Variants in PTPRD observed in about 807,000 individuals in gnomAD.
PTPRD encodes receptor-type tyrosine-protein phosphatase delta.
A neutral mutation model predicts 214.5 loss-of-function variants in PTPRD; 34 were observed. That is an observed-to-expected ratio of 0.16 (90% CI 0.12 to 0.21). The LOEUF (loss-of-function observed/expected upper bound fraction) is 0.21, where lower values mean the gene tolerates loss of function less well. Among genes scored for constraint, PTPRD ranks in the 10% least tolerant of loss-of-function variants. The probability of loss-of-function intolerance (pLI) is 1.00; values close to 1 mark genes in which losing one functional copy is unlikely to be tolerated. For missense variants in PTPRD, 2,545 were observed against 2,398.7 expected, an observed-to-expected ratio of 1.06 and a Z score of -1.27; for synonymous variants, 1,128 against 845.7, an observed-to-expected ratio of 1.33 and a Z score of -5.79.
chr9:8,330,178 G>A (rs1422432977), intron 44 of PTPRD, among the ~76,000 whole-genome samples: 2 of 152,076 alleles, frequency 1.3e-5, no homozygotes, highest in Non-Finnish European at 2.9e-5. Flanking sequence ...GCCACACCCT[G>A]CTTTAGCTCA....
At chr9:9,093,322 T>C (rs1569538902) in intron 10 of PTPRD, among the ~76,000 whole-genome samples, 2 of 152,026 alleles carry the variant, frequency 1.3e-5, no homozygotes, top group Non-Finnish European at 2.9e-5. Context: ...ATAACACTAG[T>C]AGTCAACTTG....
At chr9:9,872,505 G>C (rs1401963625) in intron 5 of PTPRD, among the ~76,000 whole-genome samples, 3 of 152,094 alleles carry the variant, frequency 2.0e-5, no homozygotes, top group Non-Finnish European at 2.9e-5. Context: ...GGAGTCTGAG[G>C]TGGGAGGATT....
At chr9:8,623,718 C>T (rs879615903) in intron 14 of PTPRD, among the ~76,000 whole-genome samples, 5 of 151,738 alleles carry the variant, frequency 3.3e-5, no homozygotes, top group Non-Finnish European at 5.9e-5. Flanking sequence ...CTTCTTATCT[C>T]GACTTGATAG....
At chr9:10,537,077 G>T (rs148946621) in intron 2 of PTPRD, among the ~76,000 whole-genome samples, 10 of 152,170 alleles carry the variant, frequency 6.6e-5, no homozygotes, top group African/African-American at 2.2e-4. Flanking sequence ...AACAGCATTT[G>T]CTCCTTTTTA....
rs1162687468 is a variant in PTPRD, at chr9:9,926,653, T to A, written c.-368+11854A>T. ...TCATAAGCTTCAAATATATATGACT[T>A]ATTGTTGACAAAAATGATAGTTGAA... is the stretch of plus-strand genomic sequence containing the variant. On this transcript the variant is annotated intron_variant, in intron 5 of 45. Transcript: ENST00000381196. Among the ~76,000 whole-genome samples, 9 of 152,264 alleles carry A rather than the reference T, an allele frequency of 5.9e-5. No individual in the cohort carries two copies. In the South Asian group the frequency reaches 1.7e-3, roughly 28 times the overall value.
rs534588615 is a variant in PTPRD at position 9,645,210 on chromosome 9, G to A, written c.-286-70429C>T. 1.9e-4 allele frequency among the ~76,000 whole-genome samples: 29 copies of A among 152,272 alleles called. No homozygotes were observed. The East Asian group carries it at 3.9e-3, about 20-fold the overall frequency. ...CATCCCCATTGCAAGTTCCCAGAGC[G>A]GGTCAAGGGAGCCTTGTGGGCCCTT... is the stretch of plus-strand genomic sequence containing the variant. On this transcript the variant is annotated intron_variant, in intron 7 of 45. Coordinates refer to ENST00000381196, the MANE Select transcript of PTPRD (RefSeq NM_002839.4).
intron 9 of PTPRD, among the ~76,000 whole-genome samples, chr9:9,225,766 T>C (rs1330977486): frequency 1.3e-5 from 2 of 151,964 alleles, no homozygotes; most frequent in Admixed American, 6.6e-5. Flanking sequence ...TTTTGCCCAA[T>C]AGAACATAAA....
chr9:8,685,276 A>G (rs2097655444), intron 12 of PTPRD, among the ~76,000 whole-genome samples: 1 of 151,872 alleles, frequency 6.6e-6, no homozygotes, highest in African/African-American at 2.4e-5. Context: ...AAAAAGGTAC[A>G]TTATATTTGG....
At chr9:9,959,217 G>A (rs892657310) in intron 4 of PTPRD, among the ~76,000 whole-genome samples, 1 of 152,110 alleles carries the variant, frequency 6.6e-6, no homozygotes, top group Non-Finnish European at 1.5e-5. Context: ...CACCTTTGAT[G>A]GCTAAGTGAA....
At chr9:8,519,191 A>C (rs1308801462) in intron 20 of PTPRD, among the ~76,000 whole-genome samples, 2 of 152,192 alleles carry the variant, frequency 1.3e-5, no homozygotes, top group Non-Finnish European at 2.9e-5. Flanking sequence ...TTCACCAATC[A>C]CTTTTTAAGG....
chr9:9,309,755 C>T (rs1285461415), intron 9 of PTPRD, among the ~76,000 whole-genome samples: 3 of 152,146 alleles, frequency 2.0e-5, no homozygotes, highest in African/African-American at 7.2e-5. Flanking sequence ...ATCCATACTG[C>T]CACAGCATCT....
chr9:8,447,821 CAG>C (rs1345459172), intron 34 of PTPRD, among the ~76,000 whole-genome samples: 2 of 152,118 alleles, frequency 1.3e-5, no homozygotes, highest in Admixed American at 1.3e-4. Flanking sequence ...ATGTGAAAAA[CAG>C]AGGAAGGAGG....
chr9:9,381,526 A>G (rs1183293143), intron 9 of PTPRD, among the ~76,000 whole-genome samples: 1 of 151,468 alleles, frequency 6.6e-6, no homozygotes, highest in Non-Finnish European at 1.5e-5. Context: ...ATACCCGGCT[A>G]ATTTTTGTAT....
At chr9:8,372,108 C>G (rs1435907807) in intron 39 of PTPRD, among the ~76,000 whole-genome samples, 2 of 151,996 alleles carry the variant, frequency 1.3e-5, no homozygotes, top group East Asian at 3.9e-4. Flanking sequence ...CACATAGCAT[C>G]AACATGTTCT....
At chr9:8,737,896 G>A (rs148748147) in intron 11 of PTPRD, among the ~76,000 whole-genome samples, 14 of 152,136 alleles carry the variant, frequency 9.2e-5, no homozygotes, top group South Asian at 2.1e-4. Context: ...TGATCCGCTC[G>A]CCTCGGCCTC....
chr9:8,521,564 G>C lies in PTPRD; in HGVS notation c.692-18C>G, dbSNP rs776341214. 5.0e-6 allele frequency: 8 copies of C among 1,609,626 alleles called. No individual in the cohort carries two copies. The South Asian group carries it at 6.6e-5, about 13-fold the overall frequency. On this transcript the variant is annotated intron_variant, in intron 19 of 45. Coordinates refer to ENST00000381196, the MANE Select transcript of PTPRD (RefSeq NM_002839.4). ...ACGGCGAACTGGAACAAAACACAAG[G>C]GAAATGATAACATATACAAGGCAAG...
intron 3 of PTPRD, among the ~76,000 whole-genome samples, chr9:10,139,838 T>C (rs1413874362): frequency 1.5e-5 from 2 of 135,754 alleles, no homozygotes; most frequent in Non-Finnish European, 3.2e-5. Flanking sequence ...GCTAGCCATA[T>C]GCAGAAGAAT....
intron 5 of PTPRD, among the ~76,000 whole-genome samples, chr9:9,825,172 T>A (rs989153644): frequency 6.6e-6 from 1 of 152,036 alleles, no homozygotes; most frequent in African/African-American, 2.4e-5. Context: ...GCCATTTTGT[T>A]TCTTCTCAGT....
chr9:9,487,091 G>T (rs1191095978), intron 8 of PTPRD, among the ~76,000 whole-genome samples: 1 of 151,954 alleles, frequency 6.6e-6, no homozygotes, highest in East Asian at 1.9e-4. Flanking sequence ...TTAAGTTTTA[G>T]GGTACATTTG....
Sources: gnomAD v4.1 joint callset for allele counts (sites outside exome capture counted in the v4.1 genomes callset) on GRCh38, gnomAD v4.1.1 for gene constraint, MANE v1.5 for transcripts, NCBI Gene and HGNC (gene_info 2026-07-23, HGNC 2026-07-21) for gene names.